The following TMPO variants were observed in gnomAD, a reference collection of about 807,000 sequenced individuals.
TMPO encodes the protein LEM domain containing 4.
Under a neutral mutation model 45.4 loss-of-function variants are expected in TMPO, and 22 were observed. The ratio of observed to expected loss-of-function variants is 0.48; its 90% CI spans 0.35 to 0.69. TMPO has a LOEUF of 0.69. Among genes scored for constraint, TMPO ranks in the 30% least tolerant of loss-of-function variants. The probability of loss-of-function intolerance (pLI) is 0.01; values close to 1 mark genes in which losing one functional copy is unlikely to be tolerated. For missense variants in TMPO, 512 were observed against 548.8 expected (o/e 0.93, Z 0.67); for synonymous variants, 241 against 204.1 (o/e 1.18, Z -1.54).
At chr12:98,544,708 A>C (rs1344646969) in intron 6 of TMPO, 171 bp downstream of exon 6, 3 of 657,020 alleles carry the variant, frequency 4.6e-6, no homozygotes, top group Non-Finnish European at 7.8e-6. Context: ...TTCCTATAAT[A>C]TCCAATTTAT....
Position 98,515,645 on chromosome 12 carries a change from T to G in TMPO, c.-223T>G, listed in dbSNP as rs993411704. 1 of 874,792 alleles carries G rather than the reference T, an allele frequency of 1.1e-6. No individual in the cohort carries two copies. The highest frequency in any genetic ancestry group is 1.7e-6 in the Non-Finnish European group (1 of 583,540). The allele number at this position is 874,792 out of a possible 1,614,324, so 54.2% of individuals were successfully genotyped here. A position where few individuals can be genotyped will look rare whatever the true frequency, so the allele number is the denominator to read the frequency against. On this transcript the variant is annotated 5_prime_UTR_variant, in exon 1 of 9. Coordinates refer to ENST00000556029, the MANE Select transcript of TMPO (RefSeq NM_001032283.3). Reference sequence around the variant, plus strand: ...GTGTGGGCTGGGGTTGGTGCGAGCTTCCAGCTTGGCCGCAGTTGGTTCGTA... The same window carrying G: ...GTGTGGGCTGGGGTTGGTGCGAGCTGCCAGCTTGGCCGCAGTTGGTTCGTA...
At chr12:98,534,477 G>T in intron 3 of TMPO, 1 of 1,502,348 alleles carries the variant, frequency 6.7e-7, no homozygotes, top group South Asian at 1.3e-5. Flanking sequence ...TCAAATTACA[G>T]TATAAAAGTA....
At position 98,531,676 on chromosome 12, in the gene TMPO, C is replaced by T. The variant is rs1877200530; in HGVS notation, c.407-4C>T. 1.2e-6 allele frequency: 2 copies of T among 1,612,012 alleles called. No individual in the cohort carries two copies. The highest frequency in any genetic ancestry group is 1.3e-5 in the African/African-American group (1 of 74,830). ...GTACTAAAGCAAGTTCTGCCTTAAT[C>T]CAGGAACAACCAGGAAGCTATATGA... On this transcript the variant is annotated splice_region_variant and splice_polypyrimidine_tract_variant and intron_variant, in intron 2 of 8. Coordinates refer to ENST00000556029, the MANE Select transcript of TMPO (RefSeq NM_001032283.3).
At position 98,534,319 on chromosome 12, in the gene TMPO, A is replaced by G. The variant is rs1482407845; in HGVS notation, c.565+2481A>G. ...TGGAGGAGAAGTATGCAAAGTAATTAAAAAGCGTGGAAATAAACACTAGTA... is the reference window on the plus strand; with the variant it reads ...TGGAGGAGAAGTATGCAAAGTAATTGAAAAGCGTGGAAATAAACACTAGTA... On this transcript the variant is annotated intron_variant, in intron 3 of 8. Coordinates refer to ENST00000556029, the MANE Select transcript of TMPO (RefSeq NM_001032283.3). The G allele has an allele frequency of 5.6e-6, 9 of 1,612,678 alleles. No individual in the cohort carries two copies. The highest frequency in any genetic ancestry group is 6.8e-6 in the Non-Finnish European group (8 of 1,179,844).
chr12:98,535,112 T>G, intron 3 of TMPO: 1 of 984,092 alleles, frequency 1.0e-6, no homozygotes, highest in Non-Finnish European at 1.2e-6. Context: ...GACCACACTT[T>G]GAGAAACACT....
intron 1 of TMPO, among the ~76,000 whole-genome samples, chr12:98,518,639 C>T (rs1245335962): frequency 2.6e-5 from 4 of 151,906 alleles, no homozygotes; most frequent in African/African-American, 9.7e-5. Context: ...TTCCTATCAG[C>T]CACTTGGTAA....
At chr12:98,540,903 A>G (rs1877877682) in intron 4 of TMPO, among the ~76,000 whole-genome samples, 1 of 152,226 alleles carries the variant, frequency 6.6e-6, no homozygotes, top group African/African-American at 2.4e-5. Context: ...ATTTTGAAAG[A>G]TTAATCCATC....
chr12:98,516,608 A>G (rs1875852923), intron 1 of TMPO: 12 of 927,766 alleles, frequency 1.3e-5, no homozygotes, highest in Non-Finnish European at 1.5e-5. Flanking sequence ...ATGACACTCT[A>G]ATTTCTAACC....
rs778140094 is a variant in TMPO, at chr12:98,547,613, C to A, written c.1120C>A (p.Pro374Thr). Residue 374 changes from proline to threonine, a missense_variant, in exon 9 of 9, where the codon CCA becomes ACA. By Grantham distance (38) the Pro-to-Thr change is conservative. Coordinates refer to ENST00000556029, the MANE Select transcript of TMPO (RefSeq NM_001032283.3). ...RRPIKGAAGR[P>T]LELSDFRMEE... ...ACCAATCAAAGGGGCTGCAGGCCGG[C>A]CATTAGAACTCAGTGATTTCAGGAT... The A allele has an allele frequency of 1.9e-6, 3 of 1,614,056 alleles. No individual in the cohort carries two copies. The highest frequency in any genetic ancestry group is 2.7e-5 in the African/African-American group (2 of 74,910).
chr12:98,523,854 T>C (rs1463486943), intron 1 of TMPO, among the ~76,000 whole-genome samples: 1 of 152,036 alleles, frequency 6.6e-6, no homozygotes, highest in Non-Finnish European at 1.5e-5. Flanking sequence ...TTTTGTATTT[T>C]TAGTAGAGAT....
intron 3 of TMPO, chr12:98,534,766 C>A: frequency 9.9e-7 from 1 of 1,011,562 alleles, no homozygotes; most frequent in Non-Finnish European, 1.2e-6. Flanking sequence ...CTTTTTGATA[C>A]TTTTATCTCA....
In TMPO at chr12:98,538,509, C is replaced by T. The variant is rs542308247; in HGVS notation, c.663+937C>T. 3.3e-5 allele frequency among the ~76,000 whole-genome samples: 5 copies of T among 152,186 alleles called. No individual in the cohort carries two copies. The East Asian group carries it at 9.7e-4, about 30-fold the overall frequency. On this transcript the variant is annotated intron_variant, in intron 4 of 8. Transcript: ENST00000556029. ...CTGGGATTACAGGCACATGCCACCACGCTCAGCTAATTTTTGTATTTTTAG... is the reference window on the plus strand; with the variant it reads ...CTGGGATTACAGGCACATGCCACCATGCTCAGCTAATTTTTGTATTTTTAG...
intron 1 of TMPO, 191 bp downstream of exon 1, chr12:98,516,337 G>A: frequency 8.2e-7 from 1 of 1,222,440 alleles, no homozygotes; most frequent in Non-Finnish European, 1.0e-6. Context: ...AGAAGTTGGG[G>A]CCGCGGGGTT....
In TMPO at chr12:98,532,684, G is replaced by A. The variant is rs1221912535; in HGVS notation, c.565+846G>A. On this transcript the variant is annotated intron_variant, in intron 3 of 8. Transcript: ENST00000556029. ...TATCTCAATAAGCTTTGTCTACCAG[G>A]GCAAATCTGGCAGATTAGTTCAGAA... 8.3e-6 allele frequency: 10 copies of A among 1,200,426 alleles called. No homozygotes were observed. The East Asian group carries it at 2.4e-4, about 29-fold the overall frequency. The allele number at this position is 1,200,426 out of a possible 1,614,324, so 74.4% of individuals were successfully genotyped here. A position where few individuals can be genotyped will look rare whatever the true frequency, so the allele number is the denominator to read the frequency against.
chr12:98,524,440 C>T (rs1876606475), intron 1 of TMPO, among the ~76,000 whole-genome samples: 1 of 152,042 alleles, frequency 6.6e-6, no homozygotes. Flanking sequence ...GGCGTGGTGG[C>T]ATGCACCTGT....
At chr12:98,520,422 C>G (rs1011902933) in intron 1 of TMPO, among the ~76,000 whole-genome samples, 3 of 151,976 alleles carry the variant, frequency 2.0e-5, no homozygotes, top group Admixed American at 6.6e-5. Flanking sequence ...CCTACCTCAG[C>G]CTCCTGAGTA....
At chr12:98,537,156 A>C (rs904387011) in intron 3 of TMPO, among the ~76,000 whole-genome samples, 4 of 152,194 alleles carry the variant, frequency 2.6e-5, no homozygotes, top group Non-Finnish European at 4.4e-5. Context: ...AATTGTTCTT[A>C]CTGAAAAGCT....
At chr12:98,533,803 C>A in intron 3 of TMPO, 1 of 1,614,222 alleles carries the variant, frequency 6.2e-7, no homozygotes. Flanking sequence ...GCTGCCTTCA[C>A]TGGCATGCAA....
chr12:98,521,106 T>TTTTTTTTTTTTG (rs1876327531), intron 1 of TMPO, among the ~76,000 whole-genome samples: 1 of 125,716 alleles, frequency 8.0e-6, no homozygotes, highest in Non-Finnish European at 1.7e-5. Context: ...AGGAATTTTT[T>TTTTTTTTTTTTG]TTTTTTTTTT....
Sources: gnomAD v4.1 joint callset for allele counts (sites outside exome capture counted in the v4.1 genomes callset) on GRCh38, gnomAD v4.1.1 for gene constraint, MANE v1.5 for transcripts, NCBI Gene and HGNC (gene_info 2026-07-23, HGNC 2026-07-21) for gene names.